PCDH15: variants seen among roughly 807,000 people sequenced by gnomAD.
PCDH15 encodes the protein protocadherin-15.
PCDH15 carries 129 observed loss-of-function variants against 178.5 expected under a neutral mutation model. The ratio of observed to expected loss-of-function variants is 0.72; its 90% CI spans 0.63 to 0.84. The LOEUF (loss-of-function observed/expected upper bound fraction) is 0.84. Among genes scored for constraint, PCDH15 ranks in the 40% least tolerant of loss-of-function variants. PCDH15 has a pLI of 0.00. For missense variants in PCDH15, 2,230 were observed against 2,099.9 expected, an observed-to-expected ratio of 1.06 and a Z score of -1.21; for synonymous variants, 800 against 732.0, an observed-to-expected ratio of 1.09 and a Z score of -1.50.
At chr10:55,340,700 A>G (rs1844531393) in intron 2 of PCDH15, among the ~76,000 whole-genome samples, 1 of 152,084 alleles carries the variant, frequency 6.6e-6, no homozygotes, top group South Asian at 2.1e-4. Flanking sequence ...CAATATAAAA[A>G]TAAGAGTGAA....
intron 25 of PCDH15, among the ~76,000 whole-genome samples, chr10:53,914,576 G>C (rs1024494534): frequency 5.9e-5 from 9 of 152,098 alleles, no homozygotes; most frequent in African/African-American, 2.2e-4. Context: ...AGAACACTTG[G>C]ACACAGGGGA....
At chr10:53,908,607 T>C (rs2082845863) in intron 25 of PCDH15, among the ~76,000 whole-genome samples, 1 of 152,204 alleles carries the variant, frequency 6.6e-6, no homozygotes, top group African/African-American at 2.4e-5. Flanking sequence ...ATTTCTCTAG[T>C]CATTGCCAGT....
chr10:54,335,930 C>T (rs537418716), intron 6 of PCDH15, among the ~76,000 whole-genome samples: 9 of 152,212 alleles, frequency 5.9e-5, no homozygotes, highest in Non-Finnish European at 4.4e-5. Flanking sequence ...GAGACTTTTT[C>T]ATTGGCTTTG....
intron 32 of PCDH15, chr10:53,821,985 T>G (rs1171642840): frequency 6.2e-7 from 1 of 1,614,008 alleles, no homozygotes; most frequent in Non-Finnish European, 8.5e-7. Context: ...AGTTTGAAGT[T>G]CTGAAACATT....
intron 26 of PCDH15, among the ~76,000 whole-genome samples, chr10:53,893,467 A>C (rs561674030): frequency 1.3e-5 from 2 of 152,376 alleles, no homozygotes; most frequent in East Asian, 3.9e-4. Flanking sequence ...AATTTTAAGA[A>C]GTCATTATAT....
chr10:55,140,243 T>A (rs1381432686), intron 2 of PCDH15, among the ~76,000 whole-genome samples: 2 of 151,894 alleles, frequency 1.3e-5, no homozygotes, highest in African/African-American at 2.4e-5. Context: ...TTGCACTAGC[T>A]AGAATTTTTG....
chr10:54,248,633 T>C (rs752195373), intron 8 of PCDH15, among the ~76,000 whole-genome samples: 2 of 152,046 alleles, frequency 1.3e-5, no homozygotes, highest in African/African-American at 2.4e-5. Flanking sequence ...GGGATGGGGA[T>C]TCAAAGTGCA....
rs190790822 is a variant in PCDH15 at position 54,711,946 on chromosome 10, A to G, written c.-28-47656T>C. 5.3e-4 allele frequency among the ~76,000 whole-genome samples: 80 copies of G among 151,990 alleles called. 1 individual carries two copies. Among genetic ancestry groups the G allele is most frequent in the Middle Eastern group, 3.4e-3 (1 of 292 alleles). ...TTCCAGATATGTCATAAGTAATTGTATTGAGATTTGTATAATGTTTAATTG... is the reference window on the plus strand; with the variant it reads ...TTCCAGATATGTCATAAGTAATTGTGTTGAGATTTGTATAATGTTTAATTG... On this transcript the variant is annotated intron_variant, in intron 1 of 37. Transcript: ENST00000644397.
Position 54,421,927 on chromosome 10 carries a change from CACTATATATATATATATAAAAAT to C in PCDH15, c.158-43008_158-42986del, listed in dbSNP as rs1565232407. Reference sequence around the variant, plus strand: ...TATATATACACTATATATATATATACACTATATATATATATATAAAAATATATATATATATATTTAGGGAGGGC... The same window carrying C: ...TATATATACACTATATATATATATACATATATATATATATTTAGGGAGGGC... On this transcript the variant is annotated intron_variant, in intron 3 of 37. Transcript: ENST00000644397. Among the ~76,000 whole-genome samples the C allele has an allele frequency of 3.3e-3, 335 of 100,216 alleles. 12 individuals carry two copies. The highest frequency in any genetic ancestry group is 0.017 in the African/African-American group (313 of 18,838). The allele number at this position is 100,216 out of a possible 152,430, so 65.7% of individuals were successfully genotyped here.
chr10:55,415,106 A>G (rs1010088160), intron 2 of PCDH15, among the ~76,000 whole-genome samples: 1 of 151,596 alleles, frequency 6.6e-6, no homozygotes, highest in Non-Finnish European at 1.5e-5. Flanking sequence ...TAATTTAACA[A>G]GAGACTTTAT....
chr10:54,542,660 T>C (rs1268867096), intron 2 of PCDH15, among the ~76,000 whole-genome samples: 1 of 152,200 alleles, frequency 6.6e-6, no homozygotes, highest in Non-Finnish European at 1.5e-5. Flanking sequence ...GAATGTTTCA[T>C]ATAGAACAGG....
At chr10:55,128,848 T>C (rs757198224) in intron 2 of PCDH15, among the ~76,000 whole-genome samples, 1 of 152,096 alleles carries the variant, frequency 6.6e-6, no homozygotes, top group Non-Finnish European at 1.5e-5. Context: ...TTGAAGTATT[T>C]GAGGCTTAAC....
At chr10:54,373,567 C>T (rs11004262) in intron 4 of PCDH15, among the ~76,000 whole-genome samples, 42,509 of 151,692 alleles carry the variant, frequency 0.28, 7,494 homozygotes, top group Non-Finnish European at 0.4. Flanking sequence ...CATGTAGATA[C>T]ATCTATAGAT....
At chr10:54,741,929 A>G (rs532351509) in intron 1 of PCDH15, among the ~76,000 whole-genome samples, 11 of 152,126 alleles carry the variant, frequency 7.2e-5, no homozygotes, top group South Asian at 2.1e-4. Flanking sequence ...CCCACTTACC[A>G]TGGGCTATAA....
chr10:54,902,197 A>G (rs1376055073), intron 2 of PCDH15, among the ~76,000 whole-genome samples: 1 of 152,168 alleles, frequency 6.6e-6, no homozygotes, highest in Non-Finnish European at 1.5e-5. Flanking sequence ...CTCTATACCT[A>G]CTTTCATATA....
chr10:54,440,938 C>T (rs1414743300), intron 3 of PCDH15, among the ~76,000 whole-genome samples: 1 of 151,904 alleles, frequency 6.6e-6, no homozygotes, highest in Admixed American at 6.6e-5. Context: ...CTTATTTTAA[C>T]CTTTGATGAC....
chr10:54,341,551 G>A (rs1197148627), intron 6 of PCDH15, among the ~76,000 whole-genome samples: 2 of 152,150 alleles, frequency 1.3e-5, no homozygotes, highest in Non-Finnish European at 2.9e-5. Flanking sequence ...AACTAATACA[G>A]GAAATTGGTA....
chr10:54,495,155 A>G (rs973838905), intron 3 of PCDH15, among the ~76,000 whole-genome samples: 1 of 152,172 alleles, frequency 6.6e-6, no homozygotes, highest in African/African-American at 2.4e-5. Flanking sequence ...ATAATGGTCT[A>G]TGATCCCCAG....
chr10:55,460,548 A>G (rs1441301597), intron 2 of PCDH15, among the ~76,000 whole-genome samples: 6 of 151,970 alleles, frequency 3.9e-5, no homozygotes, highest in Non-Finnish European at 8.8e-5. Flanking sequence ...TGGTTTTTAT[A>G]TCTGGGACTT....
Sources: gnomAD v4.1 joint callset for allele counts (sites outside exome capture counted in the v4.1 genomes callset) on GRCh38, gnomAD v4.1.1 for gene constraint, MANE v1.5 for transcripts, NCBI Gene and HGNC (gene_info 2026-07-23, HGNC 2026-07-21) for gene names.